The following ZNF385D variants were observed in gnomAD, a reference collection of about 807,000 sequenced individuals.
ZNF385D encodes the protein zinc finger protein 659.
ZNF385D carries 15 observed loss-of-function variants against 35.8 expected under a neutral mutation model. That is an observed-to-expected ratio of 0.42 (90% CI 0.28 to 0.64). The LOEUF (loss-of-function observed/expected upper bound fraction) is 0.64. ZNF385D is among the 30% of genes least tolerant of loss of function. ZNF385D has a pLI of 0.23. For synonymous variants in ZNF385D, 212 were observed against 186.8 expected (o/e 1.13, Z -1.10); for missense variants, 474 against 494.6 (o/e 0.96, Z 0.39).
chr3:22,280,074 T>C (rs1701658422), intron 2 of ZNF385D, among the ~76,000 whole-genome samples: 1 of 152,132 alleles, frequency 6.6e-6, no homozygotes, highest in African/African-American at 2.4e-5. Context: ...GTCATTTGTT[T>C]ATCTTCTTTT....
chr3:22,033,092 A>C (rs1698097413), intron 3 of ZNF385D, among the ~76,000 whole-genome samples: 1 of 152,124 alleles, frequency 6.6e-6, no homozygotes, highest in African/African-American at 2.4e-5. Context: ...CCATGCTGCG[A>C]GGTCAAAGAG....
chr3:22,365,959 G>A (rs1696638325), intron 2 of ZNF385D, among the ~76,000 whole-genome samples: 1 of 151,998 alleles, frequency 6.6e-6, no homozygotes, highest in Non-Finnish European at 1.5e-5. Context: ...CCCAAAATAA[G>A]CATCATTAGT....
chr3:22,227,436 A>T (rs987976693), intron 2 of ZNF385D, among the ~76,000 whole-genome samples: 10 of 152,172 alleles, frequency 6.6e-5, no homozygotes, highest in Admixed American at 2.6e-4. Flanking sequence ...TCCCAGAAAG[A>T]CCAAGAAGAA....
chr3:21,664,997 G>C lies in ZNF385D; in HGVS notation c.54C>G (p.Ala18=), dbSNP rs1178645057. 3 of 1,612,986 alleles carry C rather than the reference G, an allele frequency of 1.9e-6. No individual in the cohort carries two copies. In the African/African-American group the frequency reaches 4.0e-5, roughly 22 times the overall value. The part of the protein sequence containing the change: ...GGTCQSPALP[A]LVRPPAPPLQ... ...AAGGAGGGGCTGGTGGACGGACAAG[G>C]GCCGGGAGAGCAGGACTCTGGCATG... Residue 18 remains alanine, a synonymous_variant, in exon 2 of 8, where the codon GCC becomes GCG. Transcript: ENST00000281523.
At chr3:22,283,586 C>A (rs543146837) in intron 2 of ZNF385D, among the ~76,000 whole-genome samples, 1 of 152,094 alleles carries the variant, frequency 6.6e-6, no homozygotes, top group African/African-American at 2.4e-5. Context: ...AAAGCTGAAA[C>A]CAGATTCTGA....
chr3:22,214,432 A>G (rs977095523), intron 2 of ZNF385D, among the ~76,000 whole-genome samples: 2 of 152,098 alleles, frequency 1.3e-5, no homozygotes, highest in Non-Finnish European at 2.9e-5. Flanking sequence ...GATAACAGCA[A>G]TGTTCAGGGA....
intron 3 of ZNF385D, among the ~76,000 whole-genome samples, chr3:22,057,736 A>G (rs2125535199): frequency 6.6e-6 from 1 of 152,028 alleles, no homozygotes; most frequent in Middle Eastern, 3.4e-3. Flanking sequence ...CTGGTCTCGA[A>G]CTCCTGACCT....
intron 3 of ZNF385D, among the ~76,000 whole-genome samples, chr3:21,787,944 C>CAAAAAAAAAAAAAAAAAAAAA (rs560982379): frequency 2.1e-4 from 16 of 75,382 alleles, no homozygotes; most frequent in East Asian, 1.7e-3. Flanking sequence ...TTCGTCTCAA[C>CAAAAAAAAAAAAAAAAAAAAA]AAAAAAAAAA....
intron 3 of ZNF385D, among the ~76,000 whole-genome samples, chr3:21,998,816 A>G (rs1695651184): frequency 1.3e-5 from 2 of 152,200 alleles, no homozygotes; most frequent in African/African-American, 4.8e-5. Context: ...ATAGACTGTC[A>G]AGGGAGTTTG....
At chr3:21,562,363 G>C (rs1488828459) in intron 3 of ZNF385D, among the ~76,000 whole-genome samples, 9 of 151,974 alleles carry the variant, frequency 5.9e-5, no homozygotes, top group Non-Finnish European at 1.3e-4. Flanking sequence ...TCATGAATTT[G>C]ACATCAATCT....
intron 3 of ZNF385D, among the ~76,000 whole-genome samples, chr3:21,859,336 G>C (rs1696911659): frequency 6.6e-6 from 1 of 151,904 alleles, no homozygotes. Context: ...CCAGAAGTTG[G>C]AGAGTCTGGG....
chr3:21,837,140 T>A (rs1695379569), intron 3 of ZNF385D, among the ~76,000 whole-genome samples: 1 of 152,144 alleles, frequency 6.6e-6, no homozygotes, highest in South Asian at 2.1e-4. Flanking sequence ...ATTTTTTTTA[T>A]ATGTCATTGC....
At chr3:21,840,213 A>G (rs896986780) in intron 3 of ZNF385D, among the ~76,000 whole-genome samples, 1 of 152,050 alleles carries the variant, frequency 6.6e-6, no homozygotes, top group Non-Finnish European at 1.5e-5. Context: ...CAAAAGTAGT[A>G]TGTAAGTATT....
intron 3 of ZNF385D, among the ~76,000 whole-genome samples, chr3:21,758,989 A>AAAAC (rs2070475311): frequency 2.0e-5 from 3 of 147,300 alleles, no homozygotes; most frequent in Non-Finnish European, 4.5e-5. Flanking sequence ...AAAAAAAAAA[A>AAAAC]AAAAAAAAAA....
chr3:21,550,335 C>G (rs1440823688), intron 3 of ZNF385D, among the ~76,000 whole-genome samples: 1 of 152,048 alleles, frequency 6.6e-6, no homozygotes, highest in South Asian at 2.1e-4. Context: ...CACTGGAAGC[C>G]TAATTTGGTT....
intron 4 of ZNF385D, among the ~76,000 whole-genome samples, chr3:21,481,513 C>T (rs1704626189): frequency 6.6e-6 from 1 of 152,084 alleles, no homozygotes; most frequent in Admixed American, 6.6e-5. Flanking sequence ...TGAGATAGAC[C>T]AGTCTACCTT....
chr3:21,454,681 G>C (rs1398091077), intron 4 of ZNF385D, among the ~76,000 whole-genome samples: 2 of 152,158 alleles, frequency 1.3e-5, no homozygotes, highest in Non-Finnish European at 2.9e-5. Flanking sequence ...ACTGGCACAA[G>C]ACAGGGATGC....
intron 2 of ZNF385D, chr3:21,579,610 T>C (rs2063593246): frequency 6.6e-6 from 1 of 152,170 alleles, no homozygotes; most frequent in Admixed American, 6.5e-5. Context: ...TTTTTTAATA[T>C]TTTAATGTGT....
At chr3:21,711,299 C>G (rs925385439) in intron 1 of ZNF385D, among the ~76,000 whole-genome samples, 4 of 151,942 alleles carry the variant, frequency 2.6e-5, no homozygotes, top group African/African-American at 7.3e-5. Context: ...CCTCGGCCTC[C>G]CAAAGTGCTG....
Sources: gnomAD v4.1 joint callset for allele counts (sites outside exome capture counted in the v4.1 genomes callset) on GRCh38, gnomAD v4.1.1 for gene constraint, MANE v1.5 for transcripts, NCBI Gene and HGNC (gene_info 2026-07-23, HGNC 2026-07-21) for gene names.